The following XKR9 variants were observed in gnomAD, a reference collection of about 807,000 sequenced individuals.
XKR9 encodes XK related 9.
XKR9 carries 32 observed loss-of-function variants against 32.0 expected under a neutral mutation model. The observed-to-expected ratio is 1.00, with a 90% confidence interval of 0.76 to 1.34. The LOEUF is 1.34. Ranked by LOEUF, XKR9 falls within the 40% of genes most tolerant of loss-of-function variation. The probability of loss-of-function intolerance (pLI) is 0.00; values close to 1 mark genes in which losing one functional copy is unlikely to be tolerated. For synonymous variants in XKR9, 168 were observed against 143.4 expected (o/e 1.17, Z -1.22); for missense variants, 546 against 429.7 (o/e 1.27, Z -2.39).
chr8:70,704,328 A>C (rs1052055784), intron 3 of XKR9, among the ~76,000 whole-genome samples: 5 of 152,188 alleles, frequency 3.3e-5, no homozygotes, highest in Non-Finnish European at 7.3e-5. Flanking sequence ...ATTTGCCATT[A>C]ATTGTTTCAG....
chr8:71,008,129 G>T, the XKR9 span, among the ~76,000 whole-genome samples: 1 of 151,992 alleles, frequency 6.6e-6, no homozygotes, highest in African/African-American at 2.4e-5. Context: ...AAAATTAAAA[G>T]ACCTAAAGAA....
rs1041902583 is a variant in XKR9 at position 70,790,167 on chromosome 8, A to T, written n.562A>T. Reference sequence around the variant, plus strand: ...TTCTTATAGCAAGATCTTTACTTTCATCTAAAATAGTGCTCTTATATTTCA... The same window carrying T: ...TTCTTATAGCAAGATCTTTACTTTCTTCTAAAATAGTGCTCTTATATTTCA... On this transcript the variant is annotated non_coding_transcript_exon_variant, in exon 4 of 4. Coordinates refer to the XKR9 transcript ENST00000520273. 7.3e-5 allele frequency: 11 copies of T among 150,884 alleles called. No individual in the cohort carries two copies. In the South Asian group the frequency reaches 2.3e-3, roughly 31 times the overall value. 9.3% of individuals were successfully genotyped at this position (150,884 alleles called of 1,614,324 possible). A position where few individuals can be genotyped will look rare whatever the true frequency, so the allele number is the denominator to read the frequency against.
Position 70,727,644 on chromosome 8 carries a change from C to T in XKR9, c.494-6152C>T, listed in dbSNP as rs537740944. ...TGAACTCCTTACCTCATGATCTGCCCGCCTCGGCCTCCCAAAGTGCTGGGA... is the reference window on the plus strand; with the variant it reads ...TGAACTCCTTACCTCATGATCTGCCTGCCTCGGCCTCCCAAAGTGCTGGGA... On this transcript the variant is annotated intron_variant, in intron 4 of 4. Coordinates refer to ENST00000408926, the MANE Select transcript of XKR9 (RefSeq NM_001011720.2). 9.2e-3 allele frequency among the ~76,000 whole-genome samples: 1,403 copies of T among 151,976 alleles called. 9 individuals are homozygous for T. The highest frequency in any genetic ancestry group is 0.015 in the Non-Finnish European group (1,051 of 67,960).
chr8:70,891,754 G>A, the XKR9 span, among the ~76,000 whole-genome samples: 4,567 of 152,102 alleles, frequency 0.03, 87 homozygotes, highest in Middle Eastern at 0.051. Flanking sequence ...GAAATGTTTT[G>A]TAAATGTCTA....
At chr8:70,897,084 G>A in the XKR9 span, among the ~76,000 whole-genome samples, 1 of 151,848 alleles carries the variant, frequency 6.6e-6, no homozygotes, top group African/African-American at 2.4e-5. Flanking sequence ...CTATCTCCAT[G>A]AGTTCAATTG....
the XKR9 span, among the ~76,000 whole-genome samples, chr8:70,976,650 G>A: frequency 6.6e-6 from 1 of 152,202 alleles, no homozygotes; most frequent in South Asian, 2.1e-4. Context: ...TCACATCAAT[G>A]TTCAACAGGG....
At chr8:70,782,432 G>A (rs1807629421) in intron 2 of XKR9, among the ~76,000 whole-genome samples, 1 of 151,918 alleles carries the variant, frequency 6.6e-6, no homozygotes, top group Non-Finnish European at 1.5e-5. Context: ...TGTACCCTTA[G>A]TTTAGAAATG....
the XKR9 span, among the ~76,000 whole-genome samples, chr8:70,935,809 G>C: frequency 6.6e-6 from 1 of 152,022 alleles, no homozygotes; most frequent in Non-Finnish European, 1.5e-5. Flanking sequence ...GTTTGTTAGA[G>C]ACATTCAAGC....
the XKR9 span, among the ~76,000 whole-genome samples, chr8:70,855,247 GGTTA>G: frequency 1.3e-5 from 2 of 152,014 alleles, no homozygotes; most frequent in Non-Finnish European, 2.9e-5. Flanking sequence ...TTAGACGAAT[GGTTA>G]ACTAGAATAA....
chr8:70,792,979 G>C (rs931449838), downstream of XKR9, among the ~76,000 whole-genome samples: 4 of 152,024 alleles, frequency 2.6e-5, no homozygotes, highest in Non-Finnish European at 4.4e-5. Context: ...CTAATTTTTA[G>C]AATTTTTGTT....
chr8:70,895,870 C>T, the XKR9 span, among the ~76,000 whole-genome samples: 11 of 150,414 alleles, frequency 7.3e-5, no homozygotes, highest in Non-Finnish European at 1.6e-4. Context: ...TGATGGCGTG[C>T]ATCTGTAATA....
chr8:70,927,783 C>T, the XKR9 span, among the ~76,000 whole-genome samples: 1 of 152,200 alleles, frequency 6.6e-6, no homozygotes, highest in African/African-American at 2.4e-5. Flanking sequence ...AAACATAACA[C>T]TGTCCATACA....
chr8:70,687,812 T>C (rs958888567), intron 3 of XKR9, among the ~76,000 whole-genome samples: 1 of 152,252 alleles, frequency 6.6e-6, no homozygotes, highest in African/African-American at 2.4e-5. Flanking sequence ...TCAGATAACA[T>C]ACTCTTATGA....
chr8:70,754,979 C>G (rs988298499), intron 2 of XKR9, among the ~76,000 whole-genome samples: 2 of 151,986 alleles, frequency 1.3e-5, no homozygotes, highest in East Asian at 1.9e-4. Flanking sequence ...AACAGGCAAC[C>G]TACAAAATGG....
chr8:70,820,686 C>A, the XKR9 span, among the ~76,000 whole-genome samples: 4 of 152,146 alleles, frequency 2.6e-5, no homozygotes, highest in Non-Finnish European at 5.9e-5. Context: ...GGAAGCAAGG[C>A]AACTTCTTCA....
At chr8:70,707,225 C>T in intron 4 of XKR9, 72 bp downstream of exon 4, 1 of 1,225,222 alleles carries the variant, frequency 8.2e-7, no homozygotes, top group Non-Finnish European at 1.1e-6. Context: ...AAATCTTTGG[C>T]TGACTTTAGA....
chr8:70,728,041 G>A (rs1346067091), intron 4 of XKR9, among the ~76,000 whole-genome samples: 3 of 152,126 alleles, frequency 2.0e-5, no homozygotes, highest in African/African-American at 7.2e-5. Flanking sequence ...TAATCTCCAG[G>A]CAAGAAAGAG....
At chr8:70,766,128 C>T (rs1247373008) in intron 2 of XKR9, among the ~76,000 whole-genome samples, 1 of 151,662 alleles carries the variant, frequency 6.6e-6, no homozygotes, top group Non-Finnish European at 1.5e-5. Flanking sequence ...GTAGTTTTCT[C>T]TAATTCTGTG....
chr8:70,976,422 A>G, the XKR9 span, among the ~76,000 whole-genome samples: 1 of 152,218 alleles, frequency 6.6e-6, no homozygotes, highest in African/African-American at 2.4e-5. Context: ...AGTTTTTAGC[A>G]TGAAGGGCTG....
Sources: gnomAD v4.1 joint callset for allele counts (sites outside exome capture counted in the v4.1 genomes callset) on GRCh38, gnomAD v4.1.1 for gene constraint, MANE v1.5 for transcripts, NCBI Gene and HGNC (gene_info 2026-07-23, HGNC 2026-07-21) for gene names.